MEF2C: variants seen among roughly 807,000 people sequenced by gnomAD.
MEF2C encodes the protein myocyte enhancer factor 2C, also known as myocyte-specific enhancer factor 2C.
Under a neutral mutation model 50.5 loss-of-function variants are expected in MEF2C, and 6 were observed. The observed-to-expected ratio is 0.12, with a 90% CI of 0.07 to 0.23. MEF2C has a LOEUF of 0.23. Ranked by LOEUF, MEF2C falls within the 10% of genes least tolerant of loss-of-function variation. The probability of loss-of-function intolerance (pLI) is 1.00; values close to 1 mark genes in which losing one functional copy is unlikely to be tolerated. For synonymous variants in MEF2C, 183 were observed against 228.0 expected (o/e 0.80, Z 1.78); for missense variants, 276 against 605.0 (o/e 0.46, Z 5.70).
intron 6 of MEF2C, chr5:88,735,044 C>A: frequency 1.0e-6 from 1 of 985,296 alleles, no homozygotes; most frequent in Non-Finnish European, 1.2e-6. Context: ...AATTGTTATT[C>A]TTTGGACATA....
intron 6 of MEF2C, chr5:88,741,596 T>C (rs1766814765): frequency 1.0e-6 from 1 of 983,116 alleles, no homozygotes. Flanking sequence ...TTATGTAAAT[T>C]AATGTTATAA....
chr5:88,718,864 T>C lies in MEF2C; in HGVS notation c.*3740A>G, dbSNP rs2151989588. The C allele has an allele frequency of 6.6e-6, 1 of 152,346 alleles. No individual in the cohort carries two copies. The highest frequency in any genetic ancestry group is 2.4e-5 in the African/African-American group (1 of 41,588). The allele number at this position is 152,346 out of a possible 1,614,324, so 9.4% of individuals were successfully genotyped here. On this transcript the variant is annotated 3_prime_UTR_variant, in exon 11 of 11. Coordinates refer to ENST00000504921, the MANE Select transcript of MEF2C (RefSeq NM_002397.5). ...TTAATTACATCTGTAGTCTGAAGCA[T>C]TCTAACAGACACCAGTATTCCAGCA...
chr5:88,880,312 A>G (rs564567578), intron 1 of MEF2C, among the ~76,000 whole-genome samples: 1 of 152,258 alleles, frequency 6.6e-6, no homozygotes, highest in Non-Finnish European at 1.5e-5. Context: ...GTGACCATTA[A>G]TTGCATATTA....
intron 1 of MEF2C, among the ~76,000 whole-genome samples, chr5:88,827,997 T>G (rs1399807672): frequency 7.3e-5 from 11 of 151,718 alleles, no homozygotes; most frequent in Admixed American, 7.2e-4. Flanking sequence ...AAATTCAAAC[T>G]AGGAACCAAA....
intron 10 of MEF2C, among the ~76,000 whole-genome samples, chr5:88,723,500 A>T (rs553779968): frequency 1.8e-4 from 28 of 152,364 alleles, no homozygotes; most frequent in African/African-American, 5.5e-4. Flanking sequence ...CAATAACTGT[A>T]TCTGGTAAAA....
intron 4 of MEF2C, among the ~76,000 whole-genome samples, chr5:88,755,445 A>G (rs1279965631): frequency 6.6e-6 from 1 of 152,236 alleles, no homozygotes; most frequent in East Asian, 1.9e-4. Context: ...TTGGATAGAA[A>G]TAAAATACTG....
At chr5:88,811,316 A>C (rs185216467) in intron 2 of MEF2C, among the ~76,000 whole-genome samples, 5 of 152,292 alleles carry the variant, frequency 3.3e-5, no homozygotes, top group African/African-American at 1.2e-4. Flanking sequence ...AAAATTAGTA[A>C]GCATTGTTGA....
chr5:88,738,499 G>T (rs554356331), intron 6 of MEF2C: 60 of 853,426 alleles, frequency 7.0e-5, no homozygotes, highest in Middle Eastern at 6.0e-4. Context: ...GAAGAAAAGA[G>T]AGGTCCAGGA....
intron 6 of MEF2C, chr5:88,740,591 C>T (rs2152408801): frequency 3.0e-6 from 3 of 984,272 alleles, no homozygotes; most frequent in Middle Eastern, 1.0e-3. Flanking sequence ...GCTACCACTA[C>T]ATTACAAAAG....
chr5:88,850,746 ATAAT>A (rs1342045806), intron 1 of MEF2C, among the ~76,000 whole-genome samples: 2 of 152,012 alleles, frequency 1.3e-5, no homozygotes, highest in East Asian at 1.9e-4. Flanking sequence ...ACACATACAT[ATAAT>A]TATTTAAGAA....
chr5:88,844,480 T>C (rs1818595724), intron 1 of MEF2C: 1 of 165,070 alleles, frequency 6.1e-6, no homozygotes, highest in Admixed American at 6.5e-5. Flanking sequence ...TCAGAGCTTT[T>C]ATCTAAAAAT....
chr5:88,797,712 G>A (rs181188885), intron 3 of MEF2C, among the ~76,000 whole-genome samples: 123 of 151,986 alleles, frequency 8.1e-4, no homozygotes, highest in African/African-American at 2.7e-3. Context: ...TATTTTGCCC[G>A]TTAGTTGATG....
chr5:88,776,770 A>C (rs575921683), intron 3 of MEF2C, among the ~76,000 whole-genome samples: 10 of 152,320 alleles, frequency 6.6e-5, no homozygotes, highest in African/African-American at 2.4e-4. Context: ...ATGTGAACTC[A>C]TCTCTCATCA....
chr5:88,861,665 T>C (rs1056018362), intron 1 of MEF2C, among the ~76,000 whole-genome samples: 5 of 152,146 alleles, frequency 3.3e-5, no homozygotes, highest in African/African-American at 9.7e-5. Context: ...GCAGAACCAG[T>C]ATTAGGAACT....
chr5:88,788,357 C>T (rs1056040869), intron 3 of MEF2C, among the ~76,000 whole-genome samples: 2 of 151,804 alleles, frequency 1.3e-5, no homozygotes, highest in East Asian at 1.9e-4. Flanking sequence ...TGTGCCATCA[C>T]GCCTGGCTAA....
intron 1 of MEF2C, among the ~76,000 whole-genome samples, chr5:88,851,214 A>G (rs535912404): frequency 7.1e-6 from 1 of 140,492 alleles, no homozygotes; most frequent in African/African-American, 2.8e-5. Flanking sequence ...GCCTGGTGAC[A>G]GAGTGCCACT....
At chr5:88,775,915 A>G in intron 3 of MEF2C, 1 of 532,908 alleles carries the variant, frequency 1.9e-6, no homozygotes, top group African/African-American at 2.1e-5. Context: ...TATGACTTAA[A>G]GCAGAGATGG....
intron 3 of MEF2C, among the ~76,000 whole-genome samples, chr5:88,791,734 C>T (rs1352821860): frequency 6.6e-6 from 1 of 151,964 alleles, no homozygotes; most frequent in African/African-American, 2.4e-5. Context: ...ATTTTAGACT[C>T]ATTTCTTCTT....
chr5:88,737,853 T>C lies in MEF2C; in HGVS notation c.638-5952A>G, dbSNP rs937151072. ...CACTGTAGGCTTTATACTAAGCTTT[T>C]ACCAAATTTTATACTCTAGAAAATG... On this transcript the variant is annotated intron_variant, in intron 6 of 10. Coordinates refer to ENST00000504921, the MANE Select transcript of MEF2C (RefSeq NM_002397.5). 8 of 985,282 alleles carry C rather than the reference T, an allele frequency of 8.1e-6. No homozygotes were observed. In the African/African-American group the frequency reaches 1.4e-4, roughly 17 times the overall value. 61.0% of individuals were successfully genotyped at this position (985,282 alleles called of 1,614,324 possible). A position where few individuals can be genotyped will look rare whatever the true frequency, so the allele number is the denominator to read the frequency against.
Sources: allele counts gnomAD v4.1 joint callset (sites outside exome capture counted in the v4.1 genomes callset), GRCh38; gene constraint gnomAD v4.1.1; transcripts MANE v1.5; gene names NCBI Gene and HGNC (gene_info 2026-07-23, HGNC 2026-07-21).